SYCP1: variants seen among roughly 807,000 people sequenced by gnomAD.
The protein encoded by SYCP1 is cancer/testis antigen 8.
In SYCP1, 64 loss-of-function variants were observed where a neutral mutation model predicts 153.1. The observed-to-expected ratio is 0.42, with a 90% confidence interval of 0.34 to 0.51. The LOEUF is 0.51. Among genes scored for constraint, SYCP1 ranks in the 20% least tolerant of loss-of-function variants. SYCP1 has a pLI of 0.06. For missense variants in SYCP1, 997 were observed against 1,049.0 expected (o/e 0.95, Z 0.68); for synonymous variants, 384 against 341.8 (o/e 1.12, Z -1.36).
intron 27 of SYCP1, among the ~76,000 whole-genome samples, chr1:114,974,680 GCTGCATAA>G (rs1672701348): frequency 6.6e-6 from 1 of 151,656 alleles, no homozygotes; most frequent in Non-Finnish European, 1.5e-5. Flanking sequence ...CTTTTTAAAG[GCTGCATAA>G]TATTCTATTA....
Position 114,858,591 on chromosome 1 carries a change from G to A in SYCP1, c.336G>A (p.Glu112=). 1.2e-6 allele frequency: 2 copies of A among 1,612,494 alleles called. No individual in the cohort carries two copies. Among genetic ancestry groups the A allele is most frequent in the Non-Finnish European group, 1.7e-6 (2 of 1,179,124 alleles). ...GAGTGTATTCAAAACTGTATAAGGA[G>A]GCTGAAAAGATAAAAAAATGGAAAG... is the stretch of plus-strand genomic sequence containing the variant. ...LSRVYSKLYK[E]AEKIKKWKVS... Residue 112 remains glutamate, a synonymous_variant, in exon 6 of 32, where the codon GAG becomes GAA. Coordinates refer to ENST00000369522, the MANE Select transcript of SYCP1 (RefSeq NM_003176.4).
At chr1:114,895,847 T>C (rs1667023134) in intron 16 of SYCP1, among the ~76,000 whole-genome samples, 1 of 152,180 alleles carries the variant, frequency 6.6e-6, no homozygotes, top group Non-Finnish European at 1.5e-5. Context: ...GTATGATATA[T>C]ATTCAGTACC....
chr1:114,951,067 G>A (rs927360115), intron 27 of SYCP1, among the ~76,000 whole-genome samples: 7 of 151,896 alleles, frequency 4.6e-5, no homozygotes, highest in Non-Finnish European at 2.9e-5. Flanking sequence ...CTTGTGATCC[G>A]CCCGCCTCAG....
intron 12 of SYCP1, among the ~76,000 whole-genome samples, chr1:114,884,583 A>C (rs1666171842): frequency 6.6e-6 from 1 of 152,210 alleles, no homozygotes. Flanking sequence ...GTAAATTATC[A>C]TGAATATTAG....
intron 27 of SYCP1, among the ~76,000 whole-genome samples, chr1:114,960,324 C>T (rs1223018658): frequency 6.6e-6 from 1 of 151,950 alleles, no homozygotes; most frequent in Non-Finnish European, 1.5e-5. Context: ...TGCACCATCA[C>T]CCCTGGCTAA....
At chr1:114,980,771 A>C (rs1209419732) in intron 28 of SYCP1, among the ~76,000 whole-genome samples, 2 of 151,800 alleles carry the variant, frequency 1.3e-5, no homozygotes, top group Non-Finnish European at 2.9e-5. Context: ...ATTTGTTTTC[A>C]TTTTTAAAAA....
intron 29 of SYCP1, among the ~76,000 whole-genome samples, chr1:114,983,457 G>A (rs1673298276): frequency 6.6e-6 from 1 of 151,920 alleles, no homozygotes; most frequent in Non-Finnish European, 1.5e-5. Context: ...GAGCCCTCAG[G>A]TTGAATGTAA....
intron 15 of SYCP1, among the ~76,000 whole-genome samples, chr1:114,889,529 T>C (rs1279524843): frequency 1.3e-5 from 2 of 152,218 alleles, no homozygotes; most frequent in African/African-American, 2.4e-5. Context: ...TCATATCCTC[T>C]GCCCACTTTT....
At chr1:114,983,375 C>G (rs1673289582) in intron 29 of SYCP1, among the ~76,000 whole-genome samples, 1 of 151,900 alleles carries the variant, frequency 6.6e-6, no homozygotes, top group African/African-American at 2.4e-5. Flanking sequence ...AAAGTTAAAA[C>G]GTTTGTTGTT....
At chr1:114,910,341 T>G in intron 16 of SYCP1, 56 bp from the exon 17 acceptor site, 1 of 1,246,418 alleles carries the variant, frequency 8.0e-7, no homozygotes, top group Non-Finnish European at 1.1e-6. Context: ...GGCAGTTTGA[T>G]TACTTTCACT....
intron 30 of SYCP1, among the ~76,000 whole-genome samples, chr1:114,986,981 G>C (rs747191919): frequency 7.9e-5 from 12 of 151,930 alleles, no homozygotes; most frequent in African/African-American, 2.2e-4. Context: ...GGTGCCAGAG[G>C]GGGCAATAGG....
intron 27 of SYCP1, among the ~76,000 whole-genome samples, chr1:114,961,346 T>C (rs1277428818): frequency 6.6e-6 from 1 of 152,234 alleles, no homozygotes; most frequent in African/African-American, 2.4e-5. Flanking sequence ...CATTTAGTTA[T>C]GCTCTGATCT....
At chr1:114,942,539 G>T (rs1039083393) in intron 23 of SYCP1, among the ~76,000 whole-genome samples, 3 of 151,868 alleles carry the variant, frequency 2.0e-5, no homozygotes, top group Admixed American at 6.6e-5. Context: ...GAATAAAAGA[G>T]AAGCCTAGAA....
At chr1:114,919,427 G>T (rs1317524672) in intron 20 of SYCP1, among the ~76,000 whole-genome samples, 3 of 151,860 alleles carry the variant, frequency 2.0e-5, no homozygotes, top group Non-Finnish European at 4.4e-5. Flanking sequence ...GAAGATTTTT[G>T]CATCAATGTT....
intron 29 of SYCP1, 83 bp from the exon 30 acceptor site, chr1:114,984,642 C>T (rs1188624590): frequency 1.7e-5 from 19 of 1,141,008 alleles, no homozygotes; most frequent in Non-Finnish European, 2.0e-5. Context: ...ACTCAAATTG[C>T]CTTAAAATTA....
chr1:114,936,682 G>C (rs1161406305), intron 23 of SYCP1, among the ~76,000 whole-genome samples: 1 of 152,170 alleles, frequency 6.6e-6, no homozygotes, highest in African/African-American at 2.4e-5. Context: ...ATCTCCTTAA[G>C]CTGATAAGCA....
At position 114,944,323 on chromosome 1, in the gene SYCP1, T is replaced by C; in HGVS notation, c.1927-16T>C. The C allele has an allele frequency of 7.1e-7, 1 of 1,411,110 alleles. No individual in the cohort carries two copies. Among genetic ancestry groups the C allele is most frequent in the Non-Finnish European group, 9.9e-7 (1 of 1,011,774 alleles). The allele number at this position is 1,411,110 out of a possible 1,614,324, so 87.4% of individuals were successfully genotyped here. On this transcript the variant is annotated splice_polypyrimidine_tract_variant and intron_variant, in intron 23 of 31. Transcript: ENST00000369522. ...TAGCATTTACTAATATTCATGCTAT[T>C]TTTCTTTACTTAAAGGTCAATAAAT...
In SYCP1 at chr1:114,995,149, G is replaced by T; in HGVS notation, c.*130G>T. On this transcript the variant is annotated 3_prime_UTR_variant, in exon 32 of 32. Coordinates refer to ENST00000369522, the MANE Select transcript of SYCP1 (RefSeq NM_003176.4). ...AAAAATACTTGCATGAATGATTTGT[G>T]TTTCTTTATATTTTTAGCCTAAATG... is the stretch of plus-strand genomic sequence containing the variant. The T allele has an allele frequency of 2.2e-6, 2 of 914,024 alleles. No individual in the cohort carries two copies. Among genetic ancestry groups the T allele is most frequent in the Non-Finnish European group, 3.1e-6 (2 of 646,428 alleles). 56.6% of individuals were successfully genotyped at this position (914,024 alleles called of 1,614,324 possible). A position where few individuals can be genotyped will look rare whatever the true frequency, so the allele number is the denominator to read the frequency against.
chr1:114,894,508 G>A (rs967224236), intron 15 of SYCP1, among the ~76,000 whole-genome samples: 3 of 152,082 alleles, frequency 2.0e-5, no homozygotes, highest in Non-Finnish European at 4.4e-5. Context: ...AATGCGGGAG[G>A]CTTGGGCTGG....
Sources: gnomAD v4.1 joint callset for allele counts (sites outside exome capture counted in the v4.1 genomes callset) on GRCh38, gnomAD v4.1.1 for gene constraint, MANE v1.5 for transcripts, NCBI Gene and HGNC (gene_info 2026-07-23, HGNC 2026-07-21) for gene names.